Variants in ZNF286A observed in about 807,000 individuals in gnomAD.
The protein encoded by ZNF286A is zinc finger protein 286A.
In ZNF286A, 34 loss-of-function variants were observed where a neutral mutation model predicts 49.3. The ratio of observed to expected loss-of-function variants is 0.69; its 90% confidence interval spans 0.52 to 0.92. The LOEUF (loss-of-function observed/expected upper bound fraction) is 0.92. Ranked by LOEUF, ZNF286A falls within the 40% of genes least tolerant of loss-of-function variation. The probability of loss-of-function intolerance (pLI) is 0.00; values close to 1 mark genes in which losing one functional copy is unlikely to be tolerated. For missense variants in ZNF286A, 462 were observed against 600.2 expected (o/e 0.77, Z 2.41); for synonymous variants, 155 against 200.4 (o/e 0.77, Z 1.91).
rs965294471 is a variant in ZNF286A, at chr17:15,719,655, A to T, written c.*2365A>T. 1 of 152,102 alleles carries T rather than the reference A, an allele frequency of 6.6e-6. No individual in the cohort carries two copies. Among genetic ancestry groups the T allele is most frequent in the Non-Finnish European group, 1.5e-5 (1 of 68,074 alleles). The allele number at this position is 152,102 out of a possible 1,614,324, so 9.4% of individuals were successfully genotyped here. On this transcript the variant is annotated 3_prime_UTR_variant, in exon 6 of 6. Coordinates refer to ENST00000583566, the MANE Select transcript of ZNF286A (RefSeq NM_001130842.2). ...CCCTCACGACCTAATCACCTCCAAA[A>T]GGCCCCATTTCGTAATACCGTCAGT...
intron 5 of ZNF286A, among the ~76,000 whole-genome samples, chr17:15,711,088 A>G (rs1335160565): frequency 6.6e-6 from 1 of 151,350 alleles, no homozygotes. Flanking sequence ...ATTTTTTTTT[A>G]TTTTTAGTAG....
At chr17:15,701,070 G>A in intron 2 of ZNF286A, 82 bp from the exon 3 acceptor site, 3 of 1,097,102 alleles carry the variant, frequency 2.7e-6, no homozygotes, top group Non-Finnish European at 4.1e-6. Flanking sequence ...AGCACATATA[G>A]TATGTTGAAG....
chr17:15,717,583 A>T lies in ZNF286A; in HGVS notation c.*293A>T. ...TAGGTAGCAGTACGAACATTGTGAA[A>T]TCCAGTTTTCCCCTCTCTTGTTTAT... On this transcript the variant is annotated 3_prime_UTR_variant, in exon 6 of 6. Transcript: ENST00000583566. 2.6e-6 allele frequency: 1 copy of T among 378,434 alleles called. No individual in the cohort carries two copies. The highest frequency in any genetic ancestry group is 4.8e-5 in the South Asian group (1 of 21,012). The allele number at this position is 378,434 out of a possible 1,614,324, so 23.4% of individuals were successfully genotyped here.
intron 5 of ZNF286A, among the ~76,000 whole-genome samples, chr17:15,713,318 A>G (rs1359551228): frequency 6.6e-6 from 1 of 152,250 alleles, no homozygotes; most frequent in East Asian, 1.9e-4. Flanking sequence ...TAACCAAAAA[A>G]TGTTATTAAG....
chr17:15,713,695 T>C (rs1966885866), intron 5 of ZNF286A, among the ~76,000 whole-genome samples: 1 of 151,192 alleles, frequency 6.6e-6, no homozygotes, highest in Non-Finnish European at 1.5e-5. Context: ...GTTGACACTT[T>C]ATATTGTGCA....
Position 15,712,382 on chromosome 17 carries a change from T to G in ZNF286A, c.335-3677T>G, listed in dbSNP as rs1330405952. 7.2e-5 allele frequency among the ~76,000 whole-genome samples: 11 copies of G among 152,326 alleles called. No individual in the cohort carries two copies. The East Asian group carries it at 1.5e-3, about 21-fold the overall frequency. On this transcript the variant is annotated intron_variant, in intron 5 of 5. Coordinates refer to ENST00000583566, the MANE Select transcript of ZNF286A (RefSeq NM_001130842.2). Reference sequence around the variant, plus strand: ...TGGTATTTCCATCCTAGAGCTCTCCTCAGGGCTGTTCTCAACATCTTAACT... The same window carrying G: ...TGGTATTTCCATCCTAGAGCTCTCCGCAGGGCTGTTCTCAACATCTTAACT...
rs1478303519 is a variant in ZNF286A, at chr17:15,716,499, A to G, written c.775A>G (p.Ile259Val). ...GELFTYHSVLIRHQRVHTGEK... is the reference protein window; with the variant it reads ...GELFTYHSVLVRHQRVHTGEK... ...ACTCTTCACCTACCATTCAGTGCTT[A>G]TTCGACACCAGAGAGTCCATACTGG... Residue 259 changes from isoleucine to valine, a missense_variant, in exon 6 of 6, where the codon ATT becomes GTT. Around this residue, in one of 3 missense-constraint regions of ZNF286A, gnomAD observed 259 missense variants for 272.2 expected, o/e 0.95. Coordinates refer to ENST00000583566, the MANE Select transcript of ZNF286A (RefSeq NM_001130842.2). 2 of 1,614,148 alleles carry G rather than the reference A, an allele frequency of 1.2e-6. No homozygotes were observed. Among genetic ancestry groups the G allele is most frequent in the Admixed American group, 3.3e-5 (2 of 60,030 alleles).
rs372806351 is a variant in ZNF286A at position 15,716,470 on chromosome 17, G to A, written c.746G>A (p.Gly249Asp). The A allele has an allele frequency of 1.2e-6, 2 of 1,613,806 alleles. No individual in the cohort carries two copies. The highest frequency in any genetic ancestry group is 2.7e-5 in the African/African-American group (2 of 74,872). The change falls in exon 6 of 6, where the codon GGT (glycine) becomes GAT (aspartate). Residue 249 changes from glycine to aspartate, a missense_variant. Physicochemically the swap from Gly to Asp is moderately conservative, Grantham distance 94 (BLOSUM62 -1). Around this residue, in one of 3 missense-constraint regions of ZNF286A, gnomAD observed 259 missense variants for 272.2 expected, o/e 0.95. Transcript: ENST00000583566. ...EKKPHKCNDCGELFTYHSVLI... is the reference protein window; with the variant it reads ...EKKPHKCNDCDELFTYHSVLI... ...AAACCTCATAAATGTAATGATTGTGGTGAACTCTTCACCTACCATTCAGTG... is the reference window on the plus strand; with the variant it reads ...AAACCTCATAAATGTAATGATTGTGATGAACTCTTCACCTACCATTCAGTG...
chr17:15,711,962 C>T (rs1990696339), intron 5 of ZNF286A, among the ~76,000 whole-genome samples: 2 of 145,652 alleles, frequency 1.4e-5, no homozygotes, highest in African/African-American at 5.1e-5. Context: ...AGCTCTGCCT[C>T]CTGGGTTCAC....
chr17:15,715,880 G>T (rs964582593), intron 5 of ZNF286A, 179 bp from the exon 6 acceptor site: 4 of 1,452,854 alleles, frequency 2.8e-6, no homozygotes, highest in Non-Finnish European at 3.6e-6. Flanking sequence ...TATTTTCTCT[G>T]CATAGTCTGA....
intron 3 of ZNF286A, among the ~76,000 whole-genome samples, chr17:15,705,084 C>T (rs1425439397): frequency 6.6e-6 from 1 of 152,192 alleles, no homozygotes; most frequent in East Asian, 1.9e-4. Flanking sequence ...CCCCGGTGCC[C>T]GGCAGCACTT....
intron 3 of ZNF286A, among the ~76,000 whole-genome samples, chr17:15,703,514 A>C (rs1007225073): frequency 6.6e-6 from 1 of 151,874 alleles, no homozygotes; most frequent in African/African-American, 2.4e-5. Flanking sequence ...CAACACAGAC[A>C]TACAGAAATG....
In ZNF286A at chr17:15,719,791, C is replaced by G. The variant is rs918074901; in HGVS notation, c.*2501C>G. On this transcript the variant is annotated 3_prime_UTR_variant, in exon 6 of 6. Coordinates refer to ENST00000583566, the MANE Select transcript of ZNF286A (RefSeq NM_001130842.2). Reference sequence around the variant, plus strand: ...CTTTACAGAAAATATTTTCTTGGCCCCTGTTCCAGAGCATTCATCAAGTCA... The same window carrying G: ...CTTTACAGAAAATATTTTCTTGGCCGCTGTTCCAGAGCATTCATCAAGTCA... 2.6e-5 allele frequency: 4 copies of G among 152,094 alleles called. No individual in the cohort carries two copies. The highest frequency in any genetic ancestry group is 7.2e-5 in the African/African-American group (3 of 41,404). 9.4% of individuals were successfully genotyped at this position (152,094 alleles called of 1,614,324 possible). A position where few individuals can be genotyped will look rare whatever the true frequency, so the allele number is the denominator to read the frequency against.
intron 5 of ZNF286A, among the ~76,000 whole-genome samples, chr17:15,712,337 T>C (rs897917797): frequency 6.6e-6 from 1 of 152,244 alleles, no homozygotes; most frequent in Non-Finnish European, 1.5e-5. Flanking sequence ...AGTTACCTTC[T>C]ATCAAGATGA....
At chr17:15,714,528 G>A (rs1473077793) in intron 5 of ZNF286A, among the ~76,000 whole-genome samples, 1 of 152,026 alleles carries the variant, frequency 6.6e-6, no homozygotes, top group Non-Finnish European at 1.5e-5. Context: ...ATAGATATTT[G>A]CATTAATGCT....
At chr17:15,708,588 G>A (rs964022420) in intron 5 of ZNF286A, among the ~76,000 whole-genome samples, 16 of 151,992 alleles carry the variant, frequency 1.1e-4, no homozygotes, top group African/African-American at 3.4e-4. Flanking sequence ...CCTTACCAGC[G>A]CCTCTAGAAG....
intron 1 of ZNF286A, 105 bp downstream of exon 1, chr17:15,699,882 G>C: frequency 2.9e-6 from 2 of 699,786 alleles, no homozygotes; most frequent in South Asian, 1.5e-5. Context: ...TGTTAAAGGG[G>C]CCTCGAGGGC....
In ZNF286A at chr17:15,718,695, C is replaced by T. The variant is rs1218113528; in HGVS notation, c.*1405C>T. ...TCCCTTCGTGAAGAAGTTGCCATTT[C>T]TCTGGCCTTCATATTTATCTACTTT... On this transcript the variant is annotated 3_prime_UTR_variant, in exon 6 of 6. Coordinates refer to ENST00000583566, the MANE Select transcript of ZNF286A (RefSeq NM_001130842.2). The T allele has an allele frequency of 6.6e-6, 1 of 150,756 alleles. No homozygotes were observed. The highest frequency in any genetic ancestry group is 6.6e-5 in the Admixed American group (1 of 15,208). 9.3% of individuals were successfully genotyped at this position (150,756 alleles called of 1,614,324 possible).
At chr17:15,704,963 C>T (rs1306987420) in intron 3 of ZNF286A, 20 of 1,343,330 alleles carry the variant, frequency 1.5e-5, no homozygotes, top group South Asian at 2.9e-5. Context: ...GTCCGCCGGC[C>T]GGGGCGGGGG....
Sources: allele counts gnomAD v4.1 joint callset (sites outside exome capture counted in the v4.1 genomes callset), GRCh38; gene constraint gnomAD v4.1.1; regional missense constraint gnomAD v4.1.1; transcripts MANE v1.5; gene names NCBI Gene and HGNC (gene_info 2026-07-23, HGNC 2026-07-21).